The following NKX2-8 variants were observed in gnomAD, a reference collection of about 807,000 sequenced individuals.
NKX2-8 encodes homeobox protein Nkx-2.8.
Under a neutral mutation model 6.4 loss-of-function variants are expected in NKX2-8, and 8 were observed. That is an observed-to-expected ratio of 1.24 (90% CI 0.73 to 2.24). The LOEUF is 2.24. Among genes scored for constraint, NKX2-8 ranks in the 30% most tolerant of loss-of-function variants. The pLI, the probability that NKX2-8 is intolerant of heterozygous loss-of-function variation, is 0.00. For synonymous variants in NKX2-8, 216 were observed against 171.5 expected (o/e 1.26, Z -2.03); for missense variants, 406 against 351.1 (o/e 1.16, Z -1.25).
In NKX2-8 at chr14:36,580,013, A is replaced by T. The variant is rs1879162572; in HGVS notation, c.*889T>A. On this transcript the variant is annotated 3_prime_UTR_variant, in exon 2 of 2. Transcript: ENST00000258829. ...ATGAGGAGACAGGAAATCACAGCTAACTTAGGCACTTGCAGGCTTAAATAG... is the reference window on the plus strand; with the variant it reads ...ATGAGGAGACAGGAAATCACAGCTATCTTAGGCACTTGCAGGCTTAAATAG... Among the ~76,000 whole-genome samples the T allele has an allele frequency of 6.6e-6, 1 of 152,120 alleles. No homozygotes were observed. Among genetic ancestry groups the T allele is most frequent in the African/African-American group, 2.4e-5 (1 of 41,436 alleles).
At position 36,580,517 on chromosome 14, in the gene NKX2-8, C is replaced by G. The variant is rs932715832; in HGVS notation, c.*385G>C. On this transcript the variant is annotated 3_prime_UTR_variant, in exon 2 of 2. Coordinates refer to ENST00000258829, the MANE Select transcript of NKX2-8 (RefSeq NM_014360.4). ...GCGAACACCGGTCTGGGGGGCACGA[C>G]TCCCGCCTACGTTCCCCGCAGGCGC... The G allele has an allele frequency of 3.1e-5, 5 of 159,594 alleles. No homozygotes were observed. Among genetic ancestry groups the G allele is most frequent in the African/African-American group, 1.2e-4 (5 of 41,844 alleles). The allele number at this position is 159,594 out of a possible 1,614,324, so 9.9% of individuals were successfully genotyped here. A position where few individuals can be genotyped will look rare whatever the true frequency, so the allele number is the denominator to read the frequency against.
In NKX2-8 at chr14:36,581,048, C is replaced by A; in HGVS notation, c.574G>T (p.Ala192Ser). 7.3e-7 allele frequency: 1 copy of A among 1,368,864 alleles called. No individual in the cohort carries two copies. The highest frequency in any genetic ancestry group is 9.3e-7 in the Non-Finnish European group (1 of 1,072,962). The allele number at this position is 1,368,864 out of a possible 1,614,324, so 84.8% of individuals were successfully genotyped here. A position where few individuals can be genotyped will look rare whatever the true frequency, so the allele number is the denominator to read the frequency against. ...GCGCCGCACTTCTCCTGGGCCGCGGCGGTTCCCACCTCGCCACCGCCGCCG... is the reference window on the plus strand; with the variant it reads ...GCGCCGCACTTCTCCTGGGCCGCGGAGGTTCCCACCTCGCCACCGCCGCCG... ...GGGGGGEVGT[A>S]AAQEKCGAPP... The change falls in exon 2 of 2, where the codon GCC becomes TCC. Residue 192 changes from alanine to serine, a missense_variant. Ala to Ser is a moderately conservative substitution (Grantham distance 99, BLOSUM62 1). Coordinates refer to ENST00000258829, the MANE Select transcript of NKX2-8 (RefSeq NM_014360.4). This position sits in a 1 kb window ranked among gnomAD's most constrained non-coding sequence, Gnocchi z 5.6.
chr14:36,582,410 C>A lies in NKX2-8; in HGVS notation c.-21G>T. On this transcript the variant is annotated 5_prime_UTR_variant, in exon 1 of 2. Transcript: ENST00000258829. ...GCCATGGCCGAGGAGGGGAAGGAGG[C>A]GGGGGCAGGGCAGGCTGGGAACGGA... 6.8e-7 allele frequency: 1 copy of A among 1,473,978 alleles called. No individual in the cohort carries two copies. The highest frequency in any genetic ancestry group is 1.4e-5 in the African/African-American group (1 of 70,016). 91.3% of individuals were successfully genotyped at this position (1,473,978 alleles called of 1,614,324 possible). A position where few individuals can be genotyped will look rare whatever the true frequency, so the allele number is the denominator to read the frequency against.
chr14:36,580,815 AGCGTTCCAG>A lies in NKX2-8; in HGVS notation c.*78_*86del, dbSNP rs1311568937. Reference sequence around the variant, plus strand: ...TGGGGCTGCAGGGAGGCGGACGGAGAGCGTTCCAGGCGTTCGGCTCCGGCCCTGCTCCAA... The same window carrying A: ...TGGGGCTGCAGGGAGGCGGACGGAGAGCGTTCGGCTCCGGCCCTGCTCCAA... On this transcript the variant is annotated 3_prime_UTR_variant, in exon 2 of 2. Coordinates refer to ENST00000258829, the MANE Select transcript of NKX2-8 (RefSeq NM_014360.4). 1 of 991,908 alleles carries A rather than the reference AGCGTTCCAG, an allele frequency of 1.0e-6. No homozygotes were observed. The highest frequency in any genetic ancestry group is 1.7e-5 in the African/African-American group (1 of 59,384). The allele number at this position is 991,908 out of a possible 1,614,324, so 61.4% of individuals were successfully genotyped here.
rs773256967 is a variant in NKX2-8, at chr14:36,582,217, T to C, written c.157+16A>G. 6.3e-7 allele frequency: 1 copy of C among 1,594,000 alleles called. No homozygotes were observed. The highest frequency in any genetic ancestry group is 2.3e-5 in the East Asian group (1 of 43,244). ...TCCTACCTCCCACCCCGCACCGCAATCCACCACGCACTTACAAGGGTAGTG... is the reference window on the plus strand; with the variant it reads ...TCCTACCTCCCACCCCGCACCGCAACCCACCACGCACTTACAAGGGTAGTG... On this transcript the variant is annotated intron_variant, in intron 1 of 1. Coordinates refer to ENST00000258829, the MANE Select transcript of NKX2-8 (RefSeq NM_014360.4).
rs1267877685 is a variant in NKX2-8, at chr14:36,580,224, G to C, written c.*678C>G. Among the ~76,000 whole-genome samples, 5 of 152,204 alleles carry C rather than the reference G, an allele frequency of 3.3e-5. No individual in the cohort carries two copies. The highest frequency in any genetic ancestry group is 7.3e-5 in the Non-Finnish European group (5 of 68,030). On this transcript the variant is annotated 3_prime_UTR_variant, in exon 2 of 2. Transcript: ENST00000258829. Reference sequence around the variant, plus strand: ...TCCTTCTGCCCTGTCGTGGTCCACAGGGTTGACTTTTCGGTATTCGAAACG... The same window carrying C: ...TCCTTCTGCCCTGTCGTGGTCCACACGGTTGACTTTTCGGTATTCGAAACG...
chr14:36,581,461 G>A lies in NKX2-8; in HGVS notation c.161C>T (p.Ser54Leu). ...LDSERGHYPS[S>L]DESSLETSPP... is the part of the protein sequence containing the mutation. ...GCTGGTCTCCAGGCTGCTCTCGTCC[G>A]AGGCTAGGGACAGCAAAGGAGACAC... Residue 54 changes from serine to leucine, a missense_variant, in exon 2 of 2, where the codon TCG (serine) becomes TTG (leucine). By Grantham distance (145) the Ser-to-Leu change is moderately radical. Coordinates refer to ENST00000258829, the MANE Select transcript of NKX2-8 (RefSeq NM_014360.4). The surrounding 1 kb of genome is among the most constrained non-coding windows in gnomAD (Gnocchi z 5.6). 6.4e-7 allele frequency: 1 copy of A among 1,552,696 alleles called. No homozygotes were observed. Among genetic ancestry groups the A allele is most frequent in the Non-Finnish European group, 8.7e-7 (1 of 1,152,842 alleles).
Position 36,581,405 on chromosome 14 carries a change from T to A in NKX2-8, c.217A>T (p.Arg73Trp). The A allele has an allele frequency of 6.3e-7, 1 of 1,595,236 alleles. No homozygotes were observed. The highest frequency in any genetic ancestry group is 8.5e-7 in the Non-Finnish European group (1 of 1,171,818). Reference protein sequence around the residue: ...PPDSSQRPSARPASPGSDAEK... With the variant: ...PPDSSQRPSAWPASPGSDAEK... ...GCGTCCGAGCCCGGAGACGCGGGCC[T>A]AGCGGACGGCCGCTGCGACGAGTCT... Residue 73 changes from arginine to tryptophan, a missense_variant, in exon 2 of 2, where the codon AGG becomes TGG. Coordinates refer to ENST00000258829, the MANE Select transcript of NKX2-8 (RefSeq NM_014360.4). The surrounding 1 kb of genome is among the most constrained non-coding windows in gnomAD (Gnocchi z 5.6).
rs1033950536 is a variant in NKX2-8, at chr14:36,580,198, C to T, written c.*704G>A. On this transcript the variant is annotated 3_prime_UTR_variant, in exon 2 of 2. Coordinates refer to ENST00000258829, the MANE Select transcript of NKX2-8 (RefSeq NM_014360.4). ...CCTCGCCGGCTCATCTCCGGAGAAA[C>T]TCCTTCTGCCCTGTCGTGGTCCACA... is the stretch of plus-strand genomic sequence containing the variant. Among the ~76,000 whole-genome samples, 1 of 152,174 alleles carries T rather than the reference C, an allele frequency of 6.6e-6. No homozygotes were observed. Among genetic ancestry groups the T allele is most frequent in the Admixed American group, 6.5e-5 (1 of 15,282 alleles).
At position 36,580,360 on chromosome 14, in the gene NKX2-8, C is replaced by T. The variant is rs1004393875; in HGVS notation, c.*542G>A. The stretch of plus-strand genomic sequence containing the variant: ...CAGCTTCCTCCTCTCCTTTTCTTCC[C>T]GCGCCCAACCCTGACATCACCACCC... On this transcript the variant is annotated 3_prime_UTR_variant, in exon 2 of 2. Transcript: ENST00000258829. Among the ~76,000 whole-genome samples, 1 of 152,102 alleles carries T rather than the reference C, an allele frequency of 6.6e-6. No homozygotes were observed. Among genetic ancestry groups the T allele is most frequent in the Non-Finnish European group, 1.5e-5 (1 of 68,028 alleles).
chr14:36,582,337 G>A lies in NKX2-8; in HGVS notation c.53C>T (p.Pro18Leu). The part of the protein sequence containing the change: ...SFTVRSLLDL[P>L]EQDAQHLPRR... ...CGGCAGGTGTTGCGCGTCCTGCTCG[G>A]GTAAATCTAGAAGGCTGCGCACGGT... Residue 18 changes from proline to leucine, a missense_variant, in exon 1 of 2, where the codon CCC becomes CTC. Coordinates refer to ENST00000258829, the MANE Select transcript of NKX2-8 (RefSeq NM_014360.4). 1 of 1,605,354 alleles carries A rather than the reference G, an allele frequency of 6.2e-7. No homozygotes were observed. The highest frequency in any genetic ancestry group is 8.5e-7 in the Non-Finnish European group (1 of 1,175,080).
rs1205697264 is a variant in NKX2-8 at position 36,581,122 on chromosome 14, C to T, written c.500G>A (p.Arg167His). Residue 167 changes from arginine to histidine, a missense_variant, in exon 2 of 2, where the codon CGT becomes CAT. Coordinates refer to ENST00000258829, the MANE Select transcript of NKX2-8 (RefSeq NM_014360.4). The surrounding 1 kb of genome is among the most constrained non-coding windows in gnomAD (Gnocchi z 5.6). ...AELHAAPGLL[R>H]RVVVPVLVRD... ...AACAAGCACCGGCACCACCACGCGACGCAGCAGGCCGGGCGCGGCGTGCAG... is the reference window on the plus strand; with the variant it reads ...AACAAGCACCGGCACCACCACGCGATGCAGCAGGCCGGGCGCGGCGTGCAG... 4.7e-6 allele frequency: 7 copies of T among 1,493,746 alleles called. No homozygotes were observed. In the African/African-American group the frequency reaches 1.0e-4, roughly 21 times the overall value. The allele number at this position is 1,493,746 out of a possible 1,614,324, so 92.5% of individuals were successfully genotyped here. A position where few individuals can be genotyped will look rare whatever the true frequency, so the allele number is the denominator to read the frequency against.
In NKX2-8 at chr14:36,582,612, A is replaced by C; in HGVS notation, c.-223T>G. On this transcript the variant is annotated 5_prime_UTR_variant, in exon 1 of 2. Transcript: ENST00000258829. ...CAGGGTGTTAAGTACCTGAATGAGC[A>C]CTGGACCAGAGCCGGGGCGAGCCCG... is the stretch of plus-strand genomic sequence containing the variant. 7.6e-6 allele frequency: 3 copies of C among 395,072 alleles called. No homozygotes were observed. Among genetic ancestry groups the C allele is most frequent in the Admixed American group, 4.5e-5 (1 of 22,288 alleles). The allele number at this position is 395,072 out of a possible 1,614,324, so 24.5% of individuals were successfully genotyped here.
chr14:36,581,277 C>T lies in NKX2-8; in HGVS notation c.345G>A (p.Glu115=). The change falls in exon 2 of 2, where the codon GAG becomes GAA. Residue 115 remains glutamate, a synonymous_variant. Transcript: ENST00000258829. This position sits in a 1 kb window ranked among gnomAD's most constrained non-coding sequence, Gnocchi z 5.6. The part of the protein sequence containing the change: ...QQRYLSAPER[E]QLASLLRLTP... ...TGAGGCGAAGCAGGCTCGCCAGCTG[C>T]TCGCGCTCGGGCGCAGACAGGTACC... 6.2e-7 allele frequency: 1 copy of T among 1,603,556 alleles called. No homozygotes were observed. The highest frequency in any genetic ancestry group is 8.5e-7 in the Non-Finnish European group (1 of 1,175,946).
Position 36,581,088 on chromosome 14 carries a change from CCCGT to C in NKX2-8, c.530_533del (p.Asp177GlyfsTer52). The C allele has an allele frequency of 7.1e-7, 1 of 1,413,240 alleles. No homozygotes were observed. Among genetic ancestry groups the C allele is most frequent in the East Asian group, 3.0e-5 (1 of 33,484 alleles). 87.5% of individuals were successfully genotyped at this position (1,413,240 alleles called of 1,614,324 possible). A position where few individuals can be genotyped will look rare whatever the true frequency, so the allele number is the denominator to read the frequency against. ...CACCGCCGCCGCCGCCGCACGGCTG[CCCGT>C]CGCGAACAAGCACCGGCACCACCAC... On this transcript the variant is annotated frameshift_variant, in exon 2 of 2. Coordinates refer to ENST00000258829, the MANE Select transcript of NKX2-8 (RefSeq NM_014360.4). LOFTEE classifies it low-confidence loss of function (END_TRUNC). The surrounding 1 kb of genome is among the most constrained non-coding windows in gnomAD (Gnocchi z 5.6).
rs1879222871 is a variant in NKX2-8 at position 36,581,241 on chromosome 14, C to T, written c.381G>A (p.Gln127=). 1 of 1,610,988 alleles carries T rather than the reference C, an allele frequency of 6.2e-7. No individual in the cohort carries two copies. Among genetic ancestry groups the T allele is most frequent in the Non-Finnish European group, 8.5e-7 (1 of 1,179,222 alleles). Residue 127 remains glutamine, a synonymous_variant, in exon 2 of 2, where the codon CAG becomes CAA. Coordinates refer to ENST00000258829, the MANE Select transcript of NKX2-8 (RefSeq NM_014360.4). This position sits in a 1 kb window ranked among gnomAD's most constrained non-coding sequence, Gnocchi z 5.6. Reference sequence around the variant, plus strand: ...GATGATTCTGGAACCAGATCTTGACCTGCGTGGGCGTGAGGCGAAGCAGGC... The same window carrying T: ...GATGATTCTGGAACCAGATCTTGACTTGCGTGGGCGTGAGGCGAAGCAGGC... ...LASLLRLTPT[Q]VKIWFQNHRY... is the part of the protein sequence containing the mutation.
In NKX2-8 at chr14:36,580,881, C is replaced by T. The variant is rs1879200251; in HGVS notation, c.*21G>A. ...AGCGCGCTCCAAAGTCGAGGGTAGC[C>T]CCAGGTGCCGCCCTGCGGCCTCACC... On this transcript the variant is annotated 3_prime_UTR_variant, in exon 2 of 2. Transcript: ENST00000258829. 3 of 1,288,668 alleles carry T rather than the reference C, an allele frequency of 2.3e-6. No homozygotes were observed. Among genetic ancestry groups the T allele is most frequent in the Non-Finnish European group, 2.0e-6 (2 of 1,022,110 alleles). 79.8% of individuals were successfully genotyped at this position (1,288,668 alleles called of 1,614,324 possible). A position where few individuals can be genotyped will look rare whatever the true frequency, so the allele number is the denominator to read the frequency against.
rs1376724004 is a variant in NKX2-8 at position 36,581,262 on chromosome 14, C to G, written c.360G>C (p.Leu120=). The G allele has an allele frequency of 7.5e-6, 12 of 1,607,408 alleles. No individual in the cohort carries two copies. The highest frequency in any genetic ancestry group is 1.0e-5 in the Non-Finnish European group (12 of 1,177,738). The change falls in exon 2 of 2, where the codon CTG becomes CTC. Residue 120 remains leucine, a synonymous_variant. Coordinates refer to ENST00000258829, the MANE Select transcript of NKX2-8 (RefSeq NM_014360.4). The surrounding 1 kb of genome is among the most constrained non-coding windows in gnomAD (Gnocchi z 5.6). ...SAPEREQLAS[L]LRLTPTQVKI... ...TGACCTGCGTGGGCGTGAGGCGAAGCAGGCTCGCCAGCTGCTCGCGCTCGG... is the reference window on the plus strand; with the variant it reads ...TGACCTGCGTGGGCGTGAGGCGAAGGAGGCTCGCCAGCTGCTCGCGCTCGG...
chr14:36,580,897 C>T lies in NKX2-8; in HGVS notation c.*5G>A. 7.7e-7 allele frequency: 1 copy of T among 1,303,840 alleles called. No homozygotes were observed. Among genetic ancestry groups the T allele is most frequent in the African/African-American group, 1.5e-5 (1 of 66,304 alleles). The allele number at this position is 1,303,840 out of a possible 1,614,324, so 80.8% of individuals were successfully genotyped here. A position where few individuals can be genotyped will look rare whatever the true frequency, so the allele number is the denominator to read the frequency against. ...GAGGGTAGCCCCAGGTGCCGCCCTG[C>T]GGCCTCACCAGTTCCAGGAGACCAG... On this transcript the variant is annotated 3_prime_UTR_variant, in exon 2 of 2. Transcript: ENST00000258829.
Sources: gnomAD v4.1 joint callset for allele counts (sites outside exome capture counted in the v4.1 genomes callset) on GRCh38, gnomAD v4.1.1 for gene constraint, Gnocchi (gnomAD v3.1) non-coding constraint, MANE v1.5 for transcripts, NCBI Gene and HGNC (gene_info 2026-07-23, HGNC 2026-07-21) for gene names.